Variants in KCTD16 observed in about 807,000 individuals in gnomAD.
KCTD16 encodes the protein potassium channel tetramerization domain containing 16, also known as BTB/POZ domain-containing protein KCTD16.
A neutral mutation model predicts 33.2 loss-of-function variants in KCTD16; 13 were observed. That is an observed-to-expected ratio of 0.39 (90% confidence interval 0.25 to 0.62). KCTD16 has a LOEUF of 0.62. Ranked by LOEUF, KCTD16 falls within the 20% of genes least tolerant of loss-of-function variation. The pLI is 0.50. For synonymous variants in KCTD16, 197 were observed against 195.3 expected (o/e 1.01, Z -0.07); for missense variants, 441 against 525.1 (o/e 0.84, Z 1.57).
chr5:144,346,666 C>T (rs551586518), intron 3 of KCTD16, among the ~76,000 whole-genome samples: 3 of 152,200 alleles, frequency 2.0e-5, no homozygotes, highest in Admixed American at 6.5e-5. Context: ...TTTTGAGAAA[C>T]GTCTATTCAA....
At chr5:144,421,537 T>C (rs1423930861) in intron 3 of KCTD16, among the ~76,000 whole-genome samples, 2 of 152,242 alleles carry the variant, frequency 1.3e-5, no homozygotes, top group East Asian at 3.9e-4. Context: ...TTCCTTGGAC[T>C]CAGTTTGAAT....
chr5:144,286,676 CTAAAA>C (rs1487091976), intron 3 of KCTD16, among the ~76,000 whole-genome samples: 4 of 152,084 alleles, frequency 2.6e-5, no homozygotes, highest in African/African-American at 9.7e-5. Flanking sequence ...TATTTTTACT[CTAAAA>C]TACTTTTTAC....
At chr5:144,466,967 T>A (rs1301317968) in intron 3 of KCTD16, among the ~76,000 whole-genome samples, 8 of 131,072 alleles carry the variant, frequency 6.1e-5, no homozygotes, top group South Asian at 4.5e-4. Flanking sequence ...ATTATATATA[T>A]TATATATAAT....
Position 144,207,163 on chromosome 5 carries a change from T to C in KCTD16, c.449T>C (p.Ile150Thr). ...EDASQGSDTRICPPSSLLPAD... is the reference protein window; with the variant it reads ...EDASQGSDTRTCPPSSLLPAD... Reference sequence around the variant, plus strand: ...GCCTCCCAAGGAAGCGACACAAGAATCTGCCCCCCTTCCTCCCTGCTCCCT... The same window carrying C: ...GCCTCCCAAGGAAGCGACACAAGAACCTGCCCCCCTTCCTCCCTGCTCCCT... Residue 150 changes from isoleucine (I) to threonine (T), a missense_variant, in exon 3 of 4, where the codon ATC (isoleucine) becomes ACC (threonine). Transcript: ENST00000512467. The C allele has an allele frequency of 1.2e-6, 2 of 1,612,634 alleles. No homozygotes were observed. Among genetic ancestry groups the C allele is most frequent in the Non-Finnish European group, 1.7e-6 (2 of 1,179,438 alleles).
At chr5:144,188,126 T>C (rs1295596327) in intron 2 of KCTD16, among the ~76,000 whole-genome samples, 1 of 152,242 alleles carries the variant, frequency 6.6e-6, no homozygotes, top group Admixed American at 6.5e-5. Flanking sequence ...GCAAGGCTTC[T>C]TTGATGGGGT....
chr5:144,317,724 T>C (rs2126882344), intron 3 of KCTD16, among the ~76,000 whole-genome samples: 1 of 152,338 alleles, frequency 6.6e-6, no homozygotes. Context: ...TCTGATTCCC[T>C]CCTGGATGGC....
chr5:144,172,098 A>G (rs1453919324), intron 1 of KCTD16, among the ~76,000 whole-genome samples: 1 of 152,050 alleles, frequency 6.6e-6, no homozygotes, highest in South Asian at 2.1e-4. Context: ...TTCACTTAAA[A>G]CTTTTCTCTC....
At chr5:144,323,188 G>A (rs921966436) in intron 3 of KCTD16, among the ~76,000 whole-genome samples, 12 of 152,092 alleles carry the variant, frequency 7.9e-5, no homozygotes, top group African/African-American at 2.9e-4. Context: ...CAATGGATTA[G>A]CATCCATAAC....
At position 144,409,919 on chromosome 5, in the gene KCTD16, C is replaced by T. The variant is rs1752895072; in HGVS notation, c.833-63741C>T. On this transcript the variant is annotated intron_variant, in intron 3 of 3. Coordinates refer to ENST00000512467, the MANE Select transcript of KCTD16 (RefSeq NM_020768.4). ...GGGAGTTTTGTGAGACTGCCACAGG[C>T]AGGGCATCTAATGCGAATATGAGAT... Among the ~76,000 whole-genome samples the T allele has an allele frequency of 2.6e-5, 4 of 152,278 alleles. No homozygotes were observed. In the East Asian group the frequency reaches 7.7e-4, roughly 29 times the overall value.
chr5:144,343,704 C>G (rs1752707158), intron 3 of KCTD16, among the ~76,000 whole-genome samples: 1 of 152,176 alleles, frequency 6.6e-6, no homozygotes, highest in Non-Finnish European at 1.5e-5. Context: ...CCTGCTCTCT[C>G]TTGTTGGCAT....
chr5:144,270,386 G>T (rs1431926390), intron 3 of KCTD16, among the ~76,000 whole-genome samples: 1 of 151,768 alleles, frequency 6.6e-6, no homozygotes, highest in Non-Finnish European at 1.5e-5. Flanking sequence ...AATGACAGAA[G>T]TAAAACTGGA....
intron 3 of KCTD16, among the ~76,000 whole-genome samples, chr5:144,287,885 C>T (rs769004678): frequency 4.6e-5 from 7 of 152,110 alleles, no homozygotes; most frequent in East Asian, 1.9e-4. Flanking sequence ...CCCCCTGCCT[C>T]GGCCTCTCAA....
intron 3 of KCTD16, among the ~76,000 whole-genome samples, chr5:144,305,804 C>T (rs1003874179): frequency 2.0e-5 from 3 of 151,988 alleles, no homozygotes; most frequent in Non-Finnish European, 2.9e-5. Context: ...CAGAGTGAGA[C>T]TCTGTTTCAA....
At chr5:144,315,565 TAA>T (rs1011196344) in intron 3 of KCTD16, among the ~76,000 whole-genome samples, 18 of 152,276 alleles carry the variant, frequency 1.2e-4, no homozygotes, top group African/African-American at 4.3e-4. Flanking sequence ...ATAACATCTT[TAA>T]GTGTTATGTG....
At chr5:144,362,428 T>G (rs1374792716) in intron 3 of KCTD16, among the ~76,000 whole-genome samples, 1 of 152,206 alleles carries the variant, frequency 6.6e-6, no homozygotes, top group Non-Finnish European at 1.5e-5. Context: ...GGAAATCACC[T>G]CTTCCTTTTG....
At chr5:144,416,683 G>T (rs1018693202) in intron 3 of KCTD16, among the ~76,000 whole-genome samples, 5 of 152,042 alleles carry the variant, frequency 3.3e-5, no homozygotes, top group African/African-American at 1.2e-4. Context: ...ATTTAATATT[G>T]TCATAATTTT....
chr5:144,407,035 C>A (rs1423660538), intron 3 of KCTD16, among the ~76,000 whole-genome samples: 2 of 151,950 alleles, frequency 1.3e-5, no homozygotes, highest in African/African-American at 4.8e-5. Context: ...GAGGAACAAA[C>A]AAGAAGAAGG....
intron 3 of KCTD16, among the ~76,000 whole-genome samples, chr5:144,297,746 G>T (rs1756084842): frequency 6.6e-6 from 1 of 152,140 alleles, no homozygotes. Flanking sequence ...AAAACAGGAG[G>T]TAAAGAAATA....
intron 3 of KCTD16, among the ~76,000 whole-genome samples, chr5:144,343,593 G>A (rs1752704065): frequency 6.6e-6 from 1 of 151,690 alleles, no homozygotes; most frequent in Admixed American, 6.6e-5. Context: ...GTTCTGCTCT[G>A]ATTTTAGTTA....
Sources: gnomAD v4.1 joint callset for allele counts (sites outside exome capture counted in the v4.1 genomes callset) on GRCh38, gnomAD v4.1.1 for gene constraint, MANE v1.5 for transcripts, NCBI Gene and HGNC (gene_info 2026-07-23, HGNC 2026-07-21) for gene names.